UGGT2: variants seen among roughly 807,000 people sequenced by gnomAD.
UGGT2 encodes UDP-glucose:glycoprotein glucosyltransferase 2.
A neutral mutation model predicts 192.1 loss-of-function variants in UGGT2; 180 were observed. That is an observed-to-expected ratio of 0.94 (90% CI 0.83 to 1.06). The LOEUF (loss-of-function observed/expected upper bound fraction) is 1.06, where lower values mean the gene tolerates loss of function less well. Ranked by LOEUF, UGGT2 falls within the 50% of genes least tolerant of loss-of-function variation. The pLI is 0.00. For synonymous variants in UGGT2, 580 were observed against 591.0 expected, an observed-to-expected ratio of 0.98 and a Z score of 0.27; for missense variants, 1,849 against 1,795.7, an observed-to-expected ratio of 1.03 and a Z score of -0.54.
chr13:95,971,256 A>C (rs2050763962), intron 11 of UGGT2, among the ~76,000 whole-genome samples: 1 of 152,180 alleles, frequency 6.6e-6, no homozygotes, highest in South Asian at 2.1e-4. Context: ...AAACCTCTCT[A>C]TATATAATGT....
chr13:95,983,284 T>C (rs1276997932), intron 10 of UGGT2, among the ~76,000 whole-genome samples: 1 of 152,184 alleles, frequency 6.6e-6, no homozygotes, highest in Non-Finnish European at 1.5e-5. Context: ...GGTATGATAC[T>C]ACTTAAAGCC....
intron 12 of UGGT2, among the ~76,000 whole-genome samples, chr13:95,952,461 C>T (rs375697915): frequency 6.6e-6 from 1 of 152,156 alleles, no homozygotes; most frequent in Non-Finnish European, 1.5e-5. Flanking sequence ...CTTCCATATA[C>T]CTTAAATCAT....
At chr13:95,818,643 C>T (rs1314533070) in intron 38 of UGGT2, among the ~76,000 whole-genome samples, 2 of 152,076 alleles carry the variant, frequency 1.3e-5, no homozygotes, top group Non-Finnish European at 2.9e-5. Flanking sequence ...GAGCCTGTTA[C>T]TGAGAGGAAG....
intron 10 of UGGT2, among the ~76,000 whole-genome samples, chr13:95,979,719 C>T (rs899294082): frequency 2.6e-5 from 4 of 151,108 alleles, no homozygotes; most frequent in African/African-American, 7.3e-5. Flanking sequence ...GCAGACAGCC[C>T]AGAGTGGGAG....
At chr13:95,842,621 T>C (rs1018309055) in intron 36 of UGGT2, among the ~76,000 whole-genome samples, 1 of 152,280 alleles carries the variant, frequency 6.6e-6, no homozygotes, top group South Asian at 2.1e-4. Context: ...GCAAAACTAA[T>C]GGGATGTCAA....
At chr13:96,031,306 A>G (rs2052826884) in intron 2 of UGGT2, among the ~76,000 whole-genome samples, 2 of 152,054 alleles carry the variant, frequency 1.3e-5, no homozygotes, top group South Asian at 4.1e-4. Context: ...AAAGAAAACT[A>G]TCTTAATTTT....
At chr13:95,860,448 T>C (rs1890052369) in intron 32 of UGGT2, among the ~76,000 whole-genome samples, 1 of 149,798 alleles carries the variant, frequency 6.7e-6, no homozygotes, top group Admixed American at 6.7e-5. Context: ...GCCAAACTCA[T>C]GAAATTTCAT....
chr13:95,896,931 CA>C (rs2047963565), intron 22 of UGGT2, among the ~76,000 whole-genome samples: 1 of 152,108 alleles, frequency 6.6e-6, no homozygotes, highest in African/African-American at 2.4e-5. Context: ...ATGAAAATTG[CA>C]GAAAACTCTG....
chr13:95,909,015 C>A (rs1353793472), intron 20 of UGGT2, among the ~76,000 whole-genome samples: 6 of 150,380 alleles, frequency 4.0e-5, no homozygotes. Flanking sequence ...GACATGAAGT[C>A]CTTGCCCATG....
At chr13:95,806,081 G>A (rs1392669323) in intron 38 of UGGT2, among the ~76,000 whole-genome samples, 2 of 144,006 alleles carry the variant, frequency 1.4e-5, no homozygotes, top group African/African-American at 5.1e-5. Flanking sequence ...AAAGTCCAAG[G>A]CTAAACAAAG....
chr13:95,836,916 G>T (rs1887345825), intron 37 of UGGT2, among the ~76,000 whole-genome samples, 170 bp downstream of exon 37: 1 of 152,170 alleles, frequency 6.6e-6, no homozygotes, highest in South Asian at 2.1e-4. Flanking sequence ...TGGTCTTGGG[G>T]GCCCCCAAAA....
At chr13:95,920,611 A>G (rs942753838) in intron 20 of UGGT2, among the ~76,000 whole-genome samples, 1 of 152,220 alleles carries the variant, frequency 6.6e-6, no homozygotes, top group Non-Finnish European at 1.5e-5. Flanking sequence ...ACTGATCATT[A>G]AAGAAATGCA....
chr13:96,033,879 G>C (rs1462814177), intron 1 of UGGT2, among the ~76,000 whole-genome samples: 2 of 152,210 alleles, frequency 1.3e-5, no homozygotes, highest in Non-Finnish European at 2.9e-5. Context: ...GGGTGCCATG[G>C]ACATGGTAGA....
intron 30 of UGGT2, 95 bp from the exon 31 acceptor site, chr13:95,863,809 G>T: frequency 6.3e-6 from 6 of 952,726 alleles, no homozygotes; most frequent in East Asian, 2.4e-5. Context: ...ATTACCCATA[G>T]AAATCTAAGA....
intron 24 of UGGT2, 45 bp from the exon 25 acceptor site, chr13:95,891,009 T>A (rs778009725): frequency 2.3e-6 from 3 of 1,330,818 alleles, no homozygotes; most frequent in Non-Finnish European, 2.1e-6. Flanking sequence ...GTTAAGTTTA[T>A]ACAAACAACT....
chr13:96,019,503 A>C (rs982765109), intron 4 of UGGT2, among the ~76,000 whole-genome samples: 2 of 152,218 alleles, frequency 1.3e-5, no homozygotes, highest in Non-Finnish European at 2.9e-5. Flanking sequence ...ACACCCCGAG[A>C]AAAGGCCATG....
At chr13:95,946,113 T>C (rs2049859285) in intron 15 of UGGT2, among the ~76,000 whole-genome samples, 1 of 152,224 alleles carries the variant, frequency 6.6e-6, no homozygotes, top group Non-Finnish European at 1.5e-5. Flanking sequence ...AATATAGCTC[T>C]TTAATACATA....
At chr13:95,890,672 C>A (rs938304225) in intron 25 of UGGT2, among the ~76,000 whole-genome samples, 190 bp downstream of exon 25, 1 of 152,134 alleles carries the variant, frequency 6.6e-6, no homozygotes, top group Non-Finnish European at 1.5e-5. Context: ...CACAGCAACA[C>A]CTAACCTCAG....
At chr13:95,944,299 G>T (rs2049791781) in intron 15 of UGGT2, among the ~76,000 whole-genome samples, 1 of 151,876 alleles carries the variant, frequency 6.6e-6, no homozygotes, top group Non-Finnish European at 1.5e-5. Context: ...TTCTCTAAAA[G>T]ATATTTTAAA....
Sources: gnomAD v4.1 joint callset for allele counts (sites outside exome capture counted in the v4.1 genomes callset) on GRCh38, gnomAD v4.1.1 for gene constraint, MANE v1.5 for transcripts, NCBI Gene and HGNC (gene_info 2026-07-23, HGNC 2026-07-21) for gene names.